The following ATP1A1 variants were observed in gnomAD, a reference collection of about 807,000 sequenced individuals.
ATP1A1 encodes sodium/potassium-transporting ATPase subunit alpha-1.
Under a neutral mutation model 114.8 loss-of-function variants are expected in ATP1A1, and 14 were observed. The ratio of observed to expected loss-of-function variants is 0.12; its 90% CI spans 0.08 to 0.19. ATP1A1 has a LOEUF of 0.19. ATP1A1 is among the 10% of genes least tolerant of loss of function. The pLI is 1.00. For missense variants in ATP1A1, 524 were observed against 1,290.7 expected (o/e 0.41, Z 9.10); for synonymous variants, 471 against 466.3 (o/e 1.01, Z -0.13).
intron 12 of ATP1A1, among the ~76,000 whole-genome samples, chr1:116,394,133 T>A (rs1437087767): frequency 6.6e-6 from 1 of 152,196 alleles, no homozygotes; most frequent in Non-Finnish European, 1.5e-5. Flanking sequence ...ATTTCCTGAC[T>A]GCCTTGGAAT....
chr1:116,396,276 C>CTTTTTTTTT (rs367825500), intron 13 of ATP1A1, among the ~76,000 whole-genome samples: 54 of 102,618 alleles, frequency 5.3e-4, no homozygotes, highest in African/African-American at 1.8e-3. Flanking sequence ...GATTTTTATC[C>CTTTTTTTTT]TTTTTTTTTT....
Position 116,399,325 on chromosome 1 carries a change from TTTAAATGGGAGGGC to T in ATP1A1, c.2449-94_2449-81del. 1 of 1,507,610 alleles carries T rather than the reference TTTAAATGGGAGGGC, an allele frequency of 6.6e-7. No homozygotes were observed. Among genetic ancestry groups the T allele is most frequent in the Non-Finnish European group, 8.9e-7 (1 of 1,118,904 alleles). 93.4% of individuals were successfully genotyped at this position (1,507,610 alleles called of 1,614,324 possible). On this transcript the variant is annotated intron_variant, in intron 17 of 22. Coordinates refer to ENST00000295598, the MANE Select transcript of ATP1A1 (RefSeq NM_000701.8). This position sits in a 1 kb window ranked among gnomAD's most constrained non-coding sequence, Gnocchi z 5.0. ...TTTTGTATACTTCACCTAAAAGATTTTTAAATGGGAGGGCAAGAATTTTATAACAAAAGGTTCAC... is the reference window on the plus strand; with the variant it reads ...TTTTGTATACTTCACCTAAAAGATTTAAGAATTTTATAACAAAAGGTTCAC...
At chr1:116,400,282 C>T (rs1169157254) in intron 18 of ATP1A1, among the ~76,000 whole-genome samples, 3 of 152,162 alleles carry the variant, frequency 2.0e-5, no homozygotes, top group Non-Finnish European at 4.4e-5. Flanking sequence ...TGGCTGGTGG[C>T]CCATCCTGAC....
intron 9 of ATP1A1, 32 bp downstream of exon 9, chr1:116,390,443 C>A: frequency 6.4e-7 from 1 of 1,573,238 alleles, no homozygotes; most frequent in Non-Finnish European, 8.6e-7. Context: ...ACCTCAGCCA[C>A]CTGCTGACTT....
chr1:116,398,174 A>G lies in ATP1A1; in HGVS notation c.2124+136A>G. 1 of 1,251,740 alleles carries G rather than the reference A, an allele frequency of 8.0e-7. No homozygotes were observed. Among genetic ancestry groups the G allele is most frequent in the Non-Finnish European group, 1.1e-6 (1 of 919,070 alleles). The allele number at this position is 1,251,740 out of a possible 1,614,324, so 77.5% of individuals were successfully genotyped here. ...ACTCAGTATAAATAGGCCAGTAGGA[A>G]GCTCATAGGCATAGAGAGGGTGACT... On this transcript the variant is annotated intron_variant, in intron 15 of 22. Transcript: ENST00000295598. This position sits in a 1 kb window ranked among gnomAD's most constrained non-coding sequence, Gnocchi z 6.1.
chr1:116,396,510 C>T (rs1180824694), intron 13 of ATP1A1, 88 bp from the exon 14 acceptor site: 6 of 1,492,586 alleles, frequency 4.0e-6, no homozygotes, highest in South Asian at 1.2e-5. Flanking sequence ...CCGAATCATC[C>T]TTAGTATTTA....
rs540215014 is a variant in ATP1A1 at position 116,389,226 on chromosome 1, A to G, written c.754+207A>G. 9.9e-5 allele frequency among the ~76,000 whole-genome samples: 15 copies of G among 152,072 alleles called. No individual in the cohort carries two copies. The highest frequency in any genetic ancestry group is 2.2e-4 in the Non-Finnish European group (15 of 68,006). ...CTCCACCCTGCCTCTTCTGTCAACA[A>G]CACCAGTCTGGCATGGGTGTTGGAG... On this transcript the variant is annotated intron_variant, in intron 7 of 22. Transcript: ENST00000295598. This position sits in a 1 kb window ranked among gnomAD's most constrained non-coding sequence, Gnocchi z 6.9.
At chr1:116,392,786 CCT>C in intron 10 of ATP1A1, 66 bp from the exon 11 acceptor site, 1 of 1,552,356 alleles carries the variant, frequency 6.4e-7, no homozygotes, top group Non-Finnish European at 8.7e-7. Flanking sequence ...AGTTATTTTT[CCT>C]GTTTTTTAGT....
Position 116,389,781 on chromosome 1 carries a change from T to G in ATP1A1, c.1023+74T>G. 1 of 1,570,872 alleles carries G rather than the reference T, an allele frequency of 6.4e-7. No individual in the cohort carries two copies. The highest frequency in any genetic ancestry group is 8.7e-7 in the Non-Finnish European group (1 of 1,152,782). On this transcript the variant is annotated intron_variant, in intron 8 of 22. Transcript: ENST00000295598. This position sits in a 1 kb window ranked among gnomAD's most constrained non-coding sequence, Gnocchi z 6.9. ...GTTACACTCTTCCGCTATCCTATTC[T>G]AAGGTATTGCCAACTTATGTTTTAT... is the stretch of plus-strand genomic sequence containing the variant.
intron 18 of ATP1A1, among the ~76,000 whole-genome samples, 161 bp from the exon 19 acceptor site, chr1:116,400,700 A>T (rs1653391754): frequency 6.6e-6 from 1 of 152,120 alleles, no homozygotes; most frequent in African/African-American, 2.4e-5. Flanking sequence ...CATCCCTCAT[A>T]GCCTGTGAGT....
In ATP1A1 at chr1:116,387,511, A is replaced by G. The variant is rs370388445; in HGVS notation, c.387+20A>G. The G allele has an allele frequency of 1.9e-6, 3 of 1,612,986 alleles. No homozygotes were observed. Among genetic ancestry groups the G allele is most frequent in the East Asian group, 2.2e-5 (1 of 44,882 alleles). Reference sequence around the variant, plus strand: ...GATAATGTGAGTTCTGTAATTCAGCATATGGATTTGTAGTACACATCAGAT... The same window carrying G: ...GATAATGTGAGTTCTGTAATTCAGCGTATGGATTTGTAGTACACATCAGAT... On this transcript the variant is annotated intron_variant, in intron 4 of 22. Coordinates refer to ENST00000295598, the MANE Select transcript of ATP1A1 (RefSeq NM_000701.8). This position sits in a 1 kb window ranked among gnomAD's most constrained non-coding sequence, Gnocchi z 6.7.
In ATP1A1 at chr1:116,390,195, C is replaced by A. The variant is rs1652350058; in HGVS notation, c.1024-18C>A. 12 of 1,611,312 alleles carry A rather than the reference C, an allele frequency of 7.4e-6. No homozygotes were observed. Among genetic ancestry groups the A allele is most frequent in the Non-Finnish European group, 1.0e-5 (12 of 1,177,766 alleles). On this transcript the variant is annotated intron_variant, in intron 8 of 22. Coordinates refer to ENST00000295598, the MANE Select transcript of ATP1A1 (RefSeq NM_000701.8). ...CAGCCTGGTTGAGTGAAGTAATAAT[C>A]TTCCTAATATTTTTTAGGTCTGTCT... is the stretch of plus-strand genomic sequence containing the variant.
chr1:116,377,426 A>G (rs1285556150), intron 1 of ATP1A1, among the ~76,000 whole-genome samples: 1 of 152,240 alleles, frequency 6.6e-6, no homozygotes, highest in Non-Finnish European at 1.5e-5. Context: ...CACCATGAGA[A>G]CATATTAAGG....
chr1:116,388,139 G>A lies in ATP1A1; in HGVS notation c.396G>A (p.Leu132=), dbSNP rs1652219980. 1.2e-6 allele frequency: 2 copies of A among 1,612,698 alleles called. No homozygotes were observed. Residue 132 remains leucine, a synonymous_variant, in exon 5 of 23, where the codon CTG becomes CTA. Coordinates refer to ENST00000295598, the MANE Select transcript of ATP1A1 (RefSeq NM_000701.8). The surrounding 1 kb of genome is among the most constrained non-coding windows in gnomAD (Gnocchi z 5.6). ...TGTCTTTTCCCTTCCAGCTGTACCT[G>A]GGTGTGGTGCTATCAGCCGTTGTAA... is the stretch of plus-strand genomic sequence containing the variant. ...EEEPQNDNLY[L]GVVLSAVVII... is the part of the protein sequence containing the mutation.
At position 116,381,276 on chromosome 1, in the gene ATP1A1, G is replaced by A. The variant is rs1197736359; in HGVS notation, c.13-2738G>A. 6.6e-6 allele frequency among the ~76,000 whole-genome samples: 1 copy of A among 152,188 alleles called. No homozygotes were observed. The highest frequency in any genetic ancestry group is 1.5e-5 in the Non-Finnish European group (1 of 68,038). On this transcript the variant is annotated intron_variant, in intron 1 of 22. Coordinates refer to ENST00000295598, the MANE Select transcript of ATP1A1 (RefSeq NM_000701.8). The surrounding 1 kb of genome is among the most constrained non-coding windows in gnomAD (Gnocchi z 5.1). ...ATAATAAGGAAACATTGTCCTACCT[G>A]ATTCTACCACTGTTCATCTCACGCA... is the stretch of plus-strand genomic sequence containing the variant.
intron 1 of ATP1A1, among the ~76,000 whole-genome samples, chr1:116,376,763 A>G (rs1651400553): frequency 6.6e-6 from 1 of 152,206 alleles, no homozygotes; most frequent in African/African-American, 2.4e-5. Flanking sequence ...GGTAAACCTG[A>G]GAGCCCAAAA....
At position 116,398,558 on chromosome 1, in the gene ATP1A1, C is replaced by T. The variant is rs769269386; in HGVS notation, c.2125-63C>T. 1.9e-5 allele frequency: 30 copies of T among 1,557,642 alleles called. No homozygotes were observed. Among genetic ancestry groups the T allele is most frequent in the African/African-American group, 6.8e-5 (5 of 73,836 alleles). On this transcript the variant is annotated intron_variant, in intron 15 of 22. Coordinates refer to ENST00000295598, the MANE Select transcript of ATP1A1 (RefSeq NM_000701.8). The surrounding 1 kb of genome is among the most constrained non-coding windows in gnomAD (Gnocchi z 6.1). Reference sequence around the variant, plus strand: ...ATGAGTGCTCAGTGGGGGCATGCATCGCACTATTTCCATCGCTAGGAAAAG... The same window carrying T: ...ATGAGTGCTCAGTGGGGGCATGCATTGCACTATTTCCATCGCTAGGAAAAG...
At position 116,390,536 on chromosome 1, in the gene ATP1A1, GT is replaced by G. The variant is rs79640523; in HGVS notation, c.1222+139del. On this transcript the variant is annotated intron_variant, in intron 9 of 22. Coordinates refer to ENST00000295598, the MANE Select transcript of ATP1A1 (RefSeq NM_000701.8). Reference sequence around the variant, plus strand: ...CATGGCAGCTTTTTCTTTCTTTTTTGTTTTTTTTTTTTTTATCATTTAGTGA... The same window carrying G: ...CATGGCAGCTTTTTCTTTCTTTTTTGTTTTTTTTTTTTTATCATTTAGTGA... 84,091 of 646,058 alleles carry G rather than the reference GT, an allele frequency of 0.13. 637 individuals are homozygous for G. The highest frequency in any genetic ancestry group is 0.2 in the African/African-American group (9,420 of 47,150). The allele number at this position is 646,058 out of a possible 1,614,324, so 40.0% of individuals were successfully genotyped here. A position where few individuals can be genotyped will look rare whatever the true frequency, so the allele number is the denominator to read the frequency against.
At chr1:116,400,545 A>G (rs1047071427) in intron 18 of ATP1A1, among the ~76,000 whole-genome samples, 2 of 152,208 alleles carry the variant, frequency 1.3e-5, no homozygotes, top group East Asian at 3.8e-4. Context: ...GATTTCCCCT[A>G]AAGGTCATAC....
Sources: gnomAD v4.1 joint callset for allele counts (sites outside exome capture counted in the v4.1 genomes callset) on GRCh38, gnomAD v4.1.1 for gene constraint, Gnocchi (gnomAD v3.1) non-coding constraint, MANE v1.5 for transcripts, NCBI Gene and HGNC (gene_info 2026-07-23, HGNC 2026-07-21) for gene names.